Variants in TRNP1 observed in about 807,000 individuals in gnomAD.
TRNP1 encodes TMF-regulated nuclear protein 1.
TRNP1 carries 16 observed loss-of-function variants against 12.2 expected under a neutral mutation model. The observed-to-expected ratio is 1.31, with a 90% CI of 0.89 to 1.99. The LOEUF is 1.99. Ranked by LOEUF, TRNP1 falls within the 30% of genes most tolerant of loss-of-function variation. The pLI is 0.00. For missense variants in TRNP1, 338 were observed against 330.4 expected (o/e 1.02, Z -0.18); for synonymous variants, 139 against 166.2 (o/e 0.84, Z 1.26).
intron 1 of TRNP1, among the ~76,000 whole-genome samples, chr1:26,996,206 C>A (rs1287560390): frequency 6.6e-6 from 1 of 152,182 alleles, no homozygotes; most frequent in Non-Finnish European, 1.5e-5. Context: ...CTCCTTGAGT[C>A]AGGGCTTGGG....
rs2082538445 is a variant in TRNP1 at position 26,994,996 on chromosome 1, C to G, written c.*142+384C>G. ...CTGGCGCCGCCCAGCTCCGTGCCTT[C>G]GGGAGGACAGAATAATGAGGCCCCA... is the stretch of plus-strand genomic sequence containing the variant. On this transcript the variant is annotated intron_variant, in intron 1 of 1. Transcript: ENST00000522111. This position sits in a 1 kb window ranked among gnomAD's most constrained non-coding sequence, Gnocchi z 6.9. 6.6e-6 allele frequency among the ~76,000 whole-genome samples: 1 copy of G among 152,176 alleles called. No homozygotes were observed. Among genetic ancestry groups the G allele is most frequent in the Non-Finnish European group, 1.5e-5 (1 of 68,030 alleles).
In TRNP1 at chr1:26,994,511, C is replaced by A; in HGVS notation, c.*41C>A. 1 of 1,145,806 alleles carries A rather than the reference C, an allele frequency of 8.7e-7. No homozygotes were observed. Among genetic ancestry groups the A allele is most frequent in the South Asian group, 4.3e-5 (1 of 23,284 alleles). The allele number at this position is 1,145,806 out of a possible 1,614,324, so 71.0% of individuals were successfully genotyped here. On this transcript the variant is annotated 3_prime_UTR_variant, in exon 1 of 2. Coordinates refer to ENST00000522111, the MANE Select transcript of TRNP1 (RefSeq NM_001013642.3). The surrounding 1 kb of genome is among the most constrained non-coding windows in gnomAD (Gnocchi z 6.9). ...CCCTGGCCACCCCGACAAGCTTCGCCGAGGTGCCGACCGACCGACTGATCG... is the reference window on the plus strand; with the variant it reads ...CCCTGGCCACCCCGACAAGCTTCGCAGAGGTGCCGACCGACCGACTGATCG...
chr1:26,998,709 T>A lies in TRNP1; in HGVS notation c.*143-1138T>A, dbSNP rs571695431. Among the ~76,000 whole-genome samples the A allele has an allele frequency of 2.0e-5, 3 of 152,232 alleles. No homozygotes were observed. The South Asian group carries it at 6.2e-4, about 32-fold the overall frequency. ...GTTCTGGAATAATATCTTAACCACC[T>A]CCTCTATGCCAGGCCCCTGAGCACT... On this transcript the variant is annotated intron_variant, in intron 1 of 1. Coordinates refer to ENST00000522111, the MANE Select transcript of TRNP1 (RefSeq NM_001013642.3).
In TRNP1 at chr1:26,994,144, G is replaced by T; in HGVS notation, c.358G>T (p.Val120Leu). Residue 120 changes from valine to leucine, a missense_variant, in exon 1 of 2, where the codon GTG (valine) becomes TTG (leucine). Physicochemically the swap from Val to Leu is conservative, Grantham distance 32. Transcript: ENST00000522111. This position sits in a 1 kb window ranked among gnomAD's most constrained non-coding sequence, Gnocchi z 6.9. ...GGAGGTGGAGGGCCGCCGGCGCCTG[G>T]TGTCGGAGCTGGAGAGCCGCGTGCT... ...LLEVEGRRRL[V>L]SELESRVLQL... is the part of the protein sequence containing the mutation. The T allele has an allele frequency of 2.4e-6, 3 of 1,257,784 alleles. No homozygotes were observed. Among genetic ancestry groups the T allele is most frequent in the Non-Finnish European group, 3.0e-6 (3 of 998,424 alleles). The allele number at this position is 1,257,784 out of a possible 1,614,324, so 77.9% of individuals were successfully genotyped here.
At chr1:26,999,020 A>G (rs2082559755) in intron 1 of TRNP1, among the ~76,000 whole-genome samples, 1 of 152,176 alleles carries the variant, frequency 6.6e-6, no homozygotes, top group African/African-American at 2.4e-5. Context: ...GAGGGGTGGC[A>G]GAAGGTGCCC....
Position 26,993,811 on chromosome 1 carries a change from T to C in TRNP1, c.25T>C (p.Cys9Arg). 1 of 1,320,446 alleles carries C rather than the reference T, an allele frequency of 7.6e-7. No individual in the cohort carries two copies. The highest frequency in any genetic ancestry group is 9.6e-7 in the Non-Finnish European group (1 of 1,038,018). 81.8% of individuals were successfully genotyped at this position (1,320,446 alleles called of 1,614,324 possible). MPGCRISA[C>R]GPGAQEGTAE... ...GATGCCGGGCTGCCGCATCAGCGCCTGCGGCCCGGGGGCCCAGGAGGGGAC... is the reference window on the plus strand; with the variant it reads ...GATGCCGGGCTGCCGCATCAGCGCCCGCGGCCCGGGGGCCCAGGAGGGGAC... Residue 9 changes from cysteine (C) to arginine (R), a missense_variant, in exon 1 of 2, where the codon TGC becomes CGC. Cys to Arg is a radical substitution (Grantham distance 180, BLOSUM62 -3). Transcript: ENST00000522111.
Position 27,000,213 on chromosome 1 carries a change from A to G in TRNP1, c.*509A>G, listed in dbSNP as rs1044967649. ...CCAGCCAAGAATTTCTTTTCAAGAT[A>G]TCGTCATCATTCTTAAACAACATTC... On this transcript the variant is annotated 3_prime_UTR_variant, in exon 2 of 2. Coordinates refer to ENST00000522111, the MANE Select transcript of TRNP1 (RefSeq NM_001013642.3). The G allele has an allele frequency of 6.6e-6, 1 of 152,162 alleles. No individual in the cohort carries two copies. Among genetic ancestry groups the G allele is most frequent in the African/African-American group, 2.4e-5 (1 of 41,428 alleles). The allele number at this position is 152,162 out of a possible 1,614,324, so 9.4% of individuals were successfully genotyped here.
intron 1 of TRNP1, among the ~76,000 whole-genome samples, chr1:26,998,417 G>A (rs1243976805): frequency 1.3e-5 from 2 of 152,204 alleles, no homozygotes; most frequent in Non-Finnish European, 2.9e-5. Context: ...CCCACTGCCA[G>A]TGGTGGCCAG....
rs1281679442 is a variant in TRNP1, at chr1:26,994,655, G to C, written c.*142+43G>C. Reference sequence around the variant, plus strand: ...GGTGCGTTCGAGGGTCGGTCATGGCGTGTGGGGGGCTGGTCCAGGGCCCGG... The same window carrying C: ...GGTGCGTTCGAGGGTCGGTCATGGCCTGTGGGGGGCTGGTCCAGGGCCCGG... On this transcript the variant is annotated intron_variant, in intron 1 of 1. Transcript: ENST00000522111. The surrounding 1 kb of genome is among the most constrained non-coding windows in gnomAD (Gnocchi z 6.9). The C allele has an allele frequency of 6.6e-6, 2 of 302,022 alleles. No homozygotes were observed. Among genetic ancestry groups the C allele is most frequent in the Non-Finnish European group, 1.1e-5 (2 of 188,368 alleles). 18.7% of individuals were successfully genotyped at this position (302,022 alleles called of 1,614,324 possible).
chr1:26,993,791 C>T lies in TRNP1; in HGVS notation c.5C>T (p.Pro2Leu). 7.6e-7 allele frequency: 1 copy of T among 1,315,276 alleles called. No homozygotes were observed. Among genetic ancestry groups the T allele is most frequent in the Non-Finnish European group, 9.7e-7 (1 of 1,034,264 alleles). 81.5% of individuals were successfully genotyped at this position (1,315,276 alleles called of 1,614,324 possible). A position where few individuals can be genotyped will look rare whatever the true frequency, so the allele number is the denominator to read the frequency against. ...ACCGCCGGTGGGGGGCGGGGGATGC[C>T]GGGCTGCCGCATCAGCGCCTGCGGC... M[P>L]GCRISACGPG... The change falls in exon 1 of 2, where the codon CCG becomes CTG. Residue 2 changes from proline (P) to leucine (L), a missense_variant. Pro to Leu is a moderately conservative substitution (Grantham distance 98). Transcript: ENST00000522111.
At chr1:26,998,010 G>A (rs1570776685) in intron 1 of TRNP1, among the ~76,000 whole-genome samples, 2 of 152,246 alleles carry the variant, frequency 1.3e-5, no homozygotes, top group South Asian at 4.1e-4. Flanking sequence ...GTAGTTCTGG[G>A]GATAGCTTCC....
intron 1 of TRNP1, among the ~76,000 whole-genome samples, chr1:26,996,168 C>G (rs1198525313): frequency 6.6e-6 from 1 of 152,138 alleles, no homozygotes; most frequent in Non-Finnish European, 1.5e-5. Flanking sequence ...ACAACTCTGC[C>G]CCCTCTCTGG....
At position 26,994,193 on chromosome 1, in the gene TRNP1, C is replaced by T. The variant is rs896121379; in HGVS notation, c.407C>T (p.Ala136Val). ...RVLQLHRVFLAAELRLAHRAE... is the reference protein window; with the variant it reads ...RVLQLHRVFLVAELRLAHRAE... ...CTGCAGCTGCACCGCGTTTTCTTGG[C>T]GGCCGAGCTGCGCCTGGCGCACCGC... Residue 136 changes from alanine to valine, a missense_variant, in exon 1 of 2, where the codon GCG becomes GTG. Coordinates refer to ENST00000522111, the MANE Select transcript of TRNP1 (RefSeq NM_001013642.3). The surrounding 1 kb of genome is among the most constrained non-coding windows in gnomAD (Gnocchi z 6.9). 27 of 1,294,166 alleles carry T rather than the reference C, an allele frequency of 2.1e-5. No homozygotes were observed. In the African/African-American group the frequency reaches 4.0e-4, roughly 19 times the overall value. 80.2% of individuals were successfully genotyped at this position (1,294,166 alleles called of 1,614,324 possible). A position where few individuals can be genotyped will look rare whatever the true frequency, so the allele number is the denominator to read the frequency against.
chr1:26,997,318 GAAA>G (rs3028529), intron 1 of TRNP1, among the ~76,000 whole-genome samples: 4 of 81,844 alleles, frequency 4.9e-5, no homozygotes, highest in South Asian at 4.3e-4. Flanking sequence ...TGTGTCTCAA[GAAA>G]AAAAAAAAAA....
rs1376967978 is a variant in TRNP1 at position 26,993,848 on chromosome 1, G to T, written c.62G>T (p.Arg21Met). The change falls in exon 1 of 2, where the codon AGG (arginine) becomes ATG (methionine). Residue 21 changes from arginine (R) to methionine (M), a missense_variant. By Grantham distance (91) the Arg-to-Met change is moderately conservative (BLOSUM62 -1). Transcript: ENST00000522111. ...PGAQEGTAEQ[R>M]SPPPPWDPMP... ...GCCCAGGAGGGGACGGCAGAGCAGA[G>T]GTCGCCGCCGCCGCCCTGGGATCCC... The T allele has an allele frequency of 7.4e-7, 1 of 1,354,114 alleles. No individual in the cohort carries two copies. Among genetic ancestry groups the T allele is most frequent in the South Asian group, 1.8e-5 (1 of 54,710 alleles). 83.9% of individuals were successfully genotyped at this position (1,354,114 alleles called of 1,614,324 possible).
rs1026476762 is a variant in TRNP1, at chr1:26,994,911, C to T, written c.*142+299C>T. ...CACCCCCCATCCTCACCCCCACTTG[C>T]GTGGCCTTTCCCGGGCCCCTCGGAG... On this transcript the variant is annotated intron_variant, in intron 1 of 1. Coordinates refer to ENST00000522111, the MANE Select transcript of TRNP1 (RefSeq NM_001013642.3). This position sits in a 1 kb window ranked among gnomAD's most constrained non-coding sequence, Gnocchi z 6.9. 6.6e-6 allele frequency among the ~76,000 whole-genome samples: 1 copy of T among 152,202 alleles called. No homozygotes were observed. The highest frequency in any genetic ancestry group is 6.5e-5 in the Admixed American group (1 of 15,280).
At chr1:26,999,592 G>A (rs2082562479) in intron 1 of TRNP1, among the ~76,000 whole-genome samples, 1 of 152,144 alleles carries the variant, frequency 6.6e-6, no homozygotes, top group Non-Finnish European at 1.5e-5. Context: ...CATAAGGGGA[G>A]AAGTGGAGGA....
chr1:26,997,491 G>C (rs949771146), intron 1 of TRNP1, among the ~76,000 whole-genome samples: 1 of 152,046 alleles, frequency 6.6e-6, no homozygotes, highest in Non-Finnish European at 1.5e-5. Context: ...CACCATCCCA[G>C]GGGATCCCTT....
chr1:26,997,937 A>T (rs1468529727), intron 1 of TRNP1, among the ~76,000 whole-genome samples: 2 of 152,050 alleles, frequency 1.3e-5, no homozygotes, highest in Non-Finnish European at 2.9e-5. Context: ...CTAGACCTTG[A>T]GCTGCAGGGG....
Sources: allele counts gnomAD v4.1 joint callset (sites outside exome capture counted in the v4.1 genomes callset), GRCh38; gene constraint gnomAD v4.1.1; non-coding constraint Gnocchi (gnomAD v3.1); transcripts MANE v1.5; gene names NCBI Gene and HGNC (gene_info 2026-07-23, HGNC 2026-07-21).